FAM184B: variants seen among roughly 807,000 people sequenced by gnomAD.
The protein encoded by FAM184B is protein FAM184B.
FAM184B carries 111 observed loss-of-function variants against 135.9 expected under a neutral mutation model. That is an observed-to-expected ratio of 0.82 (90% confidence interval 0.70 to 0.96). FAM184B has a LOEUF of 0.96. Ranked by LOEUF, FAM184B falls within the 40% of genes least tolerant of loss-of-function variation. The probability of loss-of-function intolerance (pLI) is 0.00; values close to 1 mark genes in which losing one functional copy is unlikely to be tolerated. For missense variants in FAM184B, 1,375 were observed against 1,323.9 expected (o/e 1.04, Z -0.60); for synonymous variants, 552 against 524.8 (o/e 1.05, Z -0.71).
In FAM184B at chr4:17,664,563, T is replaced by C. The variant is rs1715999777; in HGVS notation, c.1693A>G (p.Arg565Gly). The C allele has an allele frequency of 1.3e-6, 2 of 1,550,890 alleles. No homozygotes were observed. Among genetic ancestry groups the C allele is most frequent in the South Asian group, 1.2e-5 (1 of 83,968 alleles). ...EEGTSSDEEE[R>G]TKVLLKEGSD... ...AGAAGTCTGCATGTCCTCCTGTACC[T>C]TTCTTCTTCATCACTGCTGGTTCCT... is the stretch of plus-strand genomic sequence containing the variant. Residue 565 changes from arginine (R) to glycine (G), a missense_variant and splice_region_variant, in exon 8 of 18, where the codon AGG becomes GGG. By Grantham distance (125) the Arg-to-Gly change is moderately radical (BLOSUM62 -2). Coordinates refer to ENST00000265018, the MANE Select transcript of FAM184B (RefSeq NM_015688.2).
At chr4:17,716,913 A>G (rs1560184302) in intron 1 of FAM184B, among the ~76,000 whole-genome samples, 1 of 152,066 alleles carries the variant, frequency 6.6e-6, no homozygotes, top group Non-Finnish European at 1.5e-5. Flanking sequence ...CCTGAGTCCA[A>G]GCGAGTCTCC....
chr4:17,664,804 G>A, intron 7 of FAM184B, 145 bp from the exon 8 acceptor site: 1 of 637,886 alleles, frequency 1.6e-6, no homozygotes, highest in Non-Finnish European at 2.7e-6. Context: ...CTGCTTGCAG[G>A]GGATGCCAAG....
chr4:17,634,033 T>G (rs772467729), intron 16 of FAM184B, 145 bp from the exon 17 acceptor site: 2 of 561,160 alleles, frequency 3.6e-6, no homozygotes, highest in Non-Finnish European at 5.6e-6. Context: ...TGCTATTTTT[T>G]AAAGCACTTT....
intron 8 of FAM184B, among the ~76,000 whole-genome samples, chr4:17,664,196 G>A (rs1715991295): frequency 6.6e-6 from 1 of 152,130 alleles, no homozygotes; most frequent in South Asian, 2.1e-4. Flanking sequence ...AGGTGGTATA[G>A]GTGGGGATTT....
At chr4:17,740,126 C>T (rs1388791293) in intron 1 of FAM184B, among the ~76,000 whole-genome samples, 3 of 151,712 alleles carry the variant, frequency 2.0e-5, no homozygotes, top group Admixed American at 6.6e-5. Flanking sequence ...CTGAGGTGGG[C>T]GGATCGCAGG....
chr4:17,776,379 T>A (rs970018444), intron 1 of FAM184B, among the ~76,000 whole-genome samples: 3 of 152,352 alleles, frequency 2.0e-5, no homozygotes, highest in East Asian at 1.9e-4. Context: ...TAATACACAG[T>A]TAAAAATTAA....
At chr4:17,670,074 A>G (rs1398793824) in intron 7 of FAM184B, among the ~76,000 whole-genome samples, 1 of 152,230 alleles carries the variant, frequency 6.6e-6, no homozygotes, top group Non-Finnish European at 1.5e-5. Flanking sequence ...ACATTGCAAG[A>G]ACATTAGAAA....
intron 13 of FAM184B, among the ~76,000 whole-genome samples, chr4:17,640,294 A>G (rs1486333181): frequency 7.1e-6 from 1 of 139,984 alleles, no homozygotes; most frequent in Non-Finnish European, 1.5e-5. Context: ...AACATGGTGA[A>G]ACCTCGTCTC....
chr4:17,684,102 T>TAG (rs2108954193), intron 7 of FAM184B, among the ~76,000 whole-genome samples: 1 of 56,098 alleles, frequency 1.8e-5, no homozygotes, highest in East Asian at 1.1e-3. Context: ...TACTATTATA[T>TAG]TATAGTATAA....
chr4:17,713,356 C>CA (rs1273746401), intron 1 of FAM184B, among the ~76,000 whole-genome samples: 1 of 152,152 alleles, frequency 6.6e-6, no homozygotes, highest in Non-Finnish European at 1.5e-5. Context: ...CCAGGAAGAT[C>CA]CTGCAATGAA....
chr4:17,767,246 G>T (rs1266461870), intron 1 of FAM184B, among the ~76,000 whole-genome samples: 2 of 152,214 alleles, frequency 1.3e-5, no homozygotes, highest in African/African-American at 4.8e-5. Flanking sequence ...GCCCAGAGAG[G>T]GGCTCCTGCA....
chr4:17,634,045 C>A, intron 16 of FAM184B, 157 bp from the exon 17 acceptor site: 1 of 511,126 alleles, frequency 2.0e-6, no homozygotes, highest in Non-Finnish European at 3.2e-6. Context: ...AAGCACTTTT[C>A]CCTCCAATCT....
At chr4:17,676,149 A>C (rs1292815193) in intron 7 of FAM184B, among the ~76,000 whole-genome samples, 3 of 152,186 alleles carry the variant, frequency 2.0e-5, no homozygotes, top group Admixed American at 1.3e-4. Context: ...TTAACATGAG[A>C]TATGCAACTC....
At chr4:17,718,525 T>C (rs1343520925) in intron 1 of FAM184B, among the ~76,000 whole-genome samples, 1 of 152,230 alleles carries the variant, frequency 6.6e-6, no homozygotes, top group Non-Finnish European at 1.5e-5. Context: ...CGCCCTTTCT[T>C]TCCCCTTCCT....
Position 17,633,782 on chromosome 4 carries a change from G to A in FAM184B, c.2996C>T (p.Pro999Leu). ...CAAGCTGGGTGATGTAGTTATTGGA[G>A]GGGCATTAATCCTGGAACTCAGATC... is the stretch of plus-strand genomic sequence containing the variant. ...SGDLSSRINAPPITTSPSLDP... is the reference protein window; with the variant it reads ...SGDLSSRINALPITTSPSLDP... Residue 999 changes from proline (P) to leucine (L), a missense_variant, in exon 17 of 18, where the codon CCT becomes CTT. By Grantham distance (98) the Pro-to-Leu change is moderately conservative. Transcript: ENST00000265018. 3 of 1,551,632 alleles carry A rather than the reference G, an allele frequency of 1.9e-6. No individual in the cohort carries two copies. The highest frequency in any genetic ancestry group is 2.4e-5 in the East Asian group (1 of 40,914).
intron 7 of FAM184B, among the ~76,000 whole-genome samples, chr4:17,684,581 T>C (rs1455004568): frequency 5.9e-5 from 9 of 152,206 alleles, no homozygotes; most frequent in Admixed American, 5.9e-4. Flanking sequence ...TGCACACTTC[T>C]CCCTCTAGCA....
rs1158379375 is a variant in FAM184B at position 17,641,993 on chromosome 4, GA to G, written c.2519+62del. 383 of 1,472,008 alleles carry G rather than the reference GA, an allele frequency of 2.6e-4. No homozygotes were observed. In the African/African-American group the frequency reaches 4.5e-3, roughly 17 times the overall value. 91.2% of individuals were successfully genotyped at this position (1,472,008 alleles called of 1,614,324 possible). On this transcript the variant is annotated intron_variant, in intron 13 of 17. Coordinates refer to ENST00000265018, the MANE Select transcript of FAM184B (RefSeq NM_015688.2). ...CAGGCTCAGCCAGCCGCAGTAGGGG[GA>G]GGGGGGGTGGCGGGGTAGGGGGTGA...
intron 1 of FAM184B, among the ~76,000 whole-genome samples, chr4:17,753,284 A>T (rs1718342562): frequency 6.6e-6 from 1 of 152,148 alleles, no homozygotes; most frequent in South Asian, 2.1e-4. Flanking sequence ...CTTATTCTTG[A>T]CCCAGTACCT....
chr4:17,658,427 C>G lies in FAM184B; in HGVS notation c.1960G>C (p.Ala654Pro). ...GAAGCCTCGAGCTGGGCTTTCATGG[C>G]GTGGTTCTGCTGAGTGGTCTCCTGG... Reference protein sequence around the residue: ...ELQETTQQNHAMKAQLEASHQ... With the variant: ...ELQETTQQNHPMKAQLEASHQ... The change falls in exon 10 of 18, where the codon GCC becomes CCC. Residue 654 changes from alanine to proline, a missense_variant. Transcript: ENST00000265018. The G allele has an allele frequency of 6.4e-7, 1 of 1,551,608 alleles. No homozygotes were observed. Among genetic ancestry groups the G allele is most frequent in the Non-Finnish European group, 8.7e-7 (1 of 1,146,994 alleles).
Sources: gnomAD v4.1 joint callset for allele counts (sites outside exome capture counted in the v4.1 genomes callset) on GRCh38, gnomAD v4.1.1 for gene constraint, MANE v1.5 for transcripts, NCBI Gene and HGNC (gene_info 2026-07-23, HGNC 2026-07-21) for gene names.